SATL1: variants seen among roughly 807,000 people sequenced by gnomAD.
SATL1 encodes the protein spermidine/spermine N1-acetyl transferase like 1.
A neutral mutation model predicts 51.8 loss-of-function variants in SATL1; 47 were observed. The observed-to-expected ratio is 0.91, with a 90% CI of 0.72 to 1.16. The LOEUF (loss-of-function observed/expected upper bound fraction) is 1.16. SATL1 is among the 50% of genes most tolerant of loss of function. The pLI is 0.00. For missense variants in SATL1, 520 were observed against 526.4 expected, an observed-to-expected ratio of 0.99 and a Z score of 0.12; for synonymous variants, 176 against 182.4, an observed-to-expected ratio of 0.97 and a Z score of 0.28.
At chrX:85,217,431 G>C (rs1439963403) in intron 2 of SATL1, among the ~76,000 whole-genome samples, 1 of 110,955 alleles carries the variant, frequency 9.0e-6, no homozygotes, top group Non-Finnish European at 1.9e-5. Context: ...AGGTGGAAGA[G>C]GCAAAATAAG....
chrX:85,185,981 C>T (rs1175376588), intron 2 of SATL1, among the ~76,000 whole-genome samples: 3 of 110,710 alleles, frequency 2.7e-5, no homozygotes, highest in Non-Finnish European at 5.7e-5. Context: ...AGGCCCACGG[C>T]GAGTACCACC....
intron 2 of SATL1, among the ~76,000 whole-genome samples, chrX:85,167,005 T>C (rs996458434): frequency 9.5e-6 from 1 of 105,244 alleles, no homozygotes; most frequent in Non-Finnish European, 1.9e-5. Context: ...GGTGTGTGTA[T>C]ATATGTGTGG....
At chrX:85,154,466 A>T (rs923405040) in intron 2 of SATL1, among the ~76,000 whole-genome samples, 1 of 112,272 alleles carries the variant, frequency 8.9e-6, no homozygotes, top group African/African-American at 3.2e-5. Flanking sequence ...GAGATGGTGG[A>T]ATGATACTTA....
intron 2 of SATL1, among the ~76,000 whole-genome samples, chrX:85,158,209 A>T (rs1449188636): frequency 9.0e-6 from 1 of 110,839 alleles, no homozygotes; most frequent in Non-Finnish European, 1.9e-5. Context: ...GGTTGAATTC[A>T]TTCTTGAATT....
intron 2 of SATL1, among the ~76,000 whole-genome samples, chrX:85,126,695 C>G (rs1451251563): frequency 9.0e-6 from 1 of 110,983 alleles, no homozygotes; most frequent in Non-Finnish European, 1.9e-5. Flanking sequence ...TCTCAAGGAG[C>G]AGCAACCACA....
chrX:85,189,464 T>C (rs1927387861), intron 2 of SATL1, among the ~76,000 whole-genome samples: 1 of 112,193 alleles, frequency 8.9e-6, no homozygotes, highest in Non-Finnish European at 1.9e-5. Context: ...TCTGGGTATG[T>C]GTGGAACAGT....
At chrX:85,241,011 T>A (rs1928581565) in intron 1 of SATL1, among the ~76,000 whole-genome samples, 1 of 110,394 alleles carries the variant, frequency 9.1e-6, no homozygotes, top group Admixed American at 9.6e-5. Context: ...TTTTTTTTTA[T>A]CTCAAACTTG....
At chrX:85,212,578 A>C (rs1475388226) in intron 2 of SATL1, 2 of 111,994 alleles carry the variant, frequency 1.8e-5, no homozygotes, top group Admixed American at 1.9e-4. Flanking sequence ...TTCGTTTCCC[A>C]CAGAATATAG....
chrX:85,103,203 G>A (rs759295352), intron 4 of SATL1, among the ~76,000 whole-genome samples: 2 of 111,192 alleles, frequency 1.8e-5, no homozygotes, highest in South Asian at 3.8e-4. Flanking sequence ...AGGGCATGGC[G>A]CAAAAGACTC....
In SATL1 at chrX:85,165,772, A is replaced by G. The variant is rs373485769; in HGVS notation, c.-312-56492T>C. 1.3e-4 allele frequency among the ~76,000 whole-genome samples: 15 copies of G among 111,898 alleles called. No homozygotes were observed. The East Asian group carries it at 3.4e-3, about 25-fold the overall frequency. On this transcript the variant is annotated intron_variant, in intron 2 of 7. Transcript: ENST00000644105. Reference sequence around the variant, plus strand: ...TATGGTGCTATCCCCCATTGAAAAAATAATTCTAAAATTCTTATGAAACCA... The same window carrying G: ...TATGGTGCTATCCCCCATTGAAAAAGTAATTCTAAAATTCTTATGAAACCA...
intron 2 of SATL1, among the ~76,000 whole-genome samples, chrX:85,117,887 T>A (rs1206814673): frequency 1.8e-5 from 2 of 109,975 alleles, no homozygotes; most frequent in African/African-American, 6.6e-5. Flanking sequence ...CATCAGCAAA[T>A]TTTCAATTAA....
At chrX:85,161,874 C>T (rs1215829249) in intron 2 of SATL1, among the ~76,000 whole-genome samples, 2 of 111,231 alleles carry the variant, frequency 1.8e-5, no homozygotes, top group Admixed American at 9.6e-5. Context: ...TTCTAATTGC[C>T]GCATGTCACA....
intron 1 of SATL1, among the ~76,000 whole-genome samples, chrX:85,232,292 T>C (rs769563299): frequency 9.1e-6 from 1 of 110,428 alleles, no homozygotes; most frequent in African/African-American, 3.3e-5. Flanking sequence ...ACACTCAGTG[T>C]GGGTTTTGGG....
At chrX:85,094,310 C>T (rs181761999) in intron 5 of SATL1, 81 bp from the exon 6 acceptor site, 177 of 540,923 alleles carry the variant, frequency 3.3e-4, no homozygotes, top group East Asian at 7.1e-4. Context: ...TGTCTTTTGG[C>T]GTTTGTTTAA....
intron 2 of SATL1, among the ~76,000 whole-genome samples, chrX:85,124,279 T>C (rs1251602933): frequency 2.7e-5 from 3 of 111,810 alleles, no homozygotes; most frequent in African/African-American, 9.7e-5. Context: ...TAAGCAGATA[T>C]TGAAACTATG....
intron 2 of SATL1, among the ~76,000 whole-genome samples, chrX:85,138,526 C>A (rs189675225): frequency 9.0e-6 from 1 of 111,530 alleles, no homozygotes; most frequent in Admixed American, 9.6e-5. Flanking sequence ...TTTTAACTCC[C>A]AAGCAGGTCC....
rs1043560798 is a variant in SATL1, at chrX:85,153,693, T to G, written c.-312-44413A>C. On this transcript the variant is annotated intron_variant, in intron 2 of 7. Coordinates refer to ENST00000644105, the MANE Select transcript of SATL1 (RefSeq NM_001367857.2). Reference sequence around the variant, plus strand: ...ACACCATTTGTTTTTTCCTAATATGTGAGCTTTTTCTATTTCTCTCTATGT... The same window carrying G: ...ACACCATTTGTTTTTTCCTAATATGGGAGCTTTTTCTATTTCTCTCTATGT... The G allele has an allele frequency of 7.1e-5, 8 of 112,080 alleles. No individual in the cohort carries two copies. The South Asian group carries it at 1.5e-3, about 21-fold the overall frequency. 9.2% of individuals were successfully genotyped at this position (112,080 alleles called of 1,213,427 possible).
chrX:85,162,148 G>A (rs1251505012), intron 2 of SATL1, among the ~76,000 whole-genome samples: 1 of 111,819 alleles, frequency 8.9e-6, no homozygotes, highest in Non-Finnish European at 1.9e-5. Context: ...CAGAATCTCT[G>A]AGATACAGCT....
intron 2 of SATL1, among the ~76,000 whole-genome samples, chrX:85,222,819 G>A (rs1423919954): frequency 1.8e-5 from 2 of 111,729 alleles, no homozygotes; most frequent in African/African-American, 6.5e-5. Context: ...ATAACAATAT[G>A]CTAAGATGGT....
Sources: allele counts gnomAD v4.1 joint callset (sites outside exome capture counted in the v4.1 genomes callset), GRCh38; gene constraint gnomAD v4.1.1; transcripts MANE v1.5; gene names NCBI Gene and HGNC (gene_info 2026-07-23, HGNC 2026-07-21).